The following CDKAL1 variants were observed in gnomAD, a reference collection of about 807,000 sequenced individuals.
CDKAL1 encodes CDKAL1 threonylcarbamoyladenosine tRNA methylthiotransferase, also known as threonylcarbamoyladenosine tRNA methylthiotransferase.
Under a neutral mutation model 68.2 loss-of-function variants are expected in CDKAL1, and 32 were observed. The observed-to-expected ratio is 0.47, with a 90% confidence interval of 0.35 to 0.63. The LOEUF (loss-of-function observed/expected upper bound fraction) is 0.63, where lower values mean the gene tolerates loss of function less well. CDKAL1 is among the 30% of genes least tolerant of loss of function. The pLI, the probability that CDKAL1 is intolerant of heterozygous loss-of-function variation, is 0.00. For synonymous variants in CDKAL1, 234 were observed against 244.3 expected (o/e 0.96, Z 0.39); for missense variants, 606 against 696.7 (o/e 0.87, Z 1.47).
At chr6:20,848,732 C>A (rs564022999) in intron 9 of CDKAL1, among the ~76,000 whole-genome samples, 22 of 151,092 alleles carry the variant, frequency 1.5e-4, no homozygotes, top group Middle Eastern at 3.4e-3. Flanking sequence ...GACTGGTGAG[C>A]TAATTTGTGA....
intron 9 of CDKAL1, among the ~76,000 whole-genome samples, chr6:20,935,339 A>G (rs1763653395): frequency 6.6e-6 from 1 of 152,166 alleles, no homozygotes; most frequent in South Asian, 2.1e-4. Context: ...CTGAATTGTA[A>G]TATATTTCTT....
At chr6:20,960,371 TTCTAA>T (rs1009131235) in intron 10 of CDKAL1, among the ~76,000 whole-genome samples, 15 of 152,192 alleles carry the variant, frequency 9.9e-5, no homozygotes, top group Non-Finnish European at 1.9e-4. Context: ...CTGAACTGGT[TTCTAA>T]TCTATTCTAA....
At chr6:20,848,279 G>GTTTTTTTGTTTTTT (rs753304984) in intron 9 of CDKAL1, among the ~76,000 whole-genome samples, 45 of 62,340 alleles carry the variant, frequency 7.2e-4, no homozygotes, top group African/African-American at 1.5e-3. Flanking sequence ...CTGGAAAGTT[G>GTTTTTTTGTTTTTT]TTTTTTTTTT....
chr6:20,706,458 T>C (rs1771599703), intron 5 of CDKAL1, among the ~76,000 whole-genome samples: 1 of 152,178 alleles, frequency 6.6e-6, no homozygotes. Flanking sequence ...ACATTTTGAG[T>C]AAACTACTAC....
chr6:21,176,300 A>G (rs2151080804), intron 13 of CDKAL1, among the ~76,000 whole-genome samples: 1 of 152,368 alleles, frequency 6.6e-6, no homozygotes, highest in East Asian at 1.9e-4. Flanking sequence ...TTTTCTATAC[A>G]TTAATGAATT....
chr6:21,192,096 A>G (rs1452625976), intron 13 of CDKAL1, among the ~76,000 whole-genome samples: 2 of 119,122 alleles, frequency 1.7e-5, no homozygotes, highest in African/African-American at 3.3e-5. Context: ...ATCTCGGCTC[A>G]CTGCAAGCTC....
intron 8 of CDKAL1, among the ~76,000 whole-genome samples, chr6:20,802,309 CAACAACAAT>C (rs1251224812): frequency 0.017 from 2,359 of 142,340 alleles, 59 homozygotes; most frequent in African/African-American, 0.055. Flanking sequence ...AAAACAACAA[CAACAACAAT>C]AATAATAATA....
chr6:21,179,386 A>G (rs576191643), intron 13 of CDKAL1, among the ~76,000 whole-genome samples: 2 of 152,330 alleles, frequency 1.3e-5, no homozygotes, highest in South Asian at 2.1e-4. Context: ...CTAATACTCA[A>G]CAAAGCCACA....
chr6:21,176,685 T>G (rs1777586568), intron 13 of CDKAL1, among the ~76,000 whole-genome samples: 1 of 136,260 alleles, frequency 7.3e-6, no homozygotes, highest in African/African-American at 2.8e-5. Context: ...GATGTTGGTT[T>G]TTTTTTTTTT....
intron 4 of CDKAL1, among the ~76,000 whole-genome samples, chr6:20,596,987 G>A (rs1224495215): frequency 6.6e-6 from 1 of 152,174 alleles, no homozygotes; most frequent in Non-Finnish European, 1.5e-5. Flanking sequence ...GTCTAACCAG[G>A]CCCGTTGAGA....
intron 10 of CDKAL1, among the ~76,000 whole-genome samples, chr6:20,998,640 A>G (rs555905966): frequency 6.6e-6 from 1 of 151,804 alleles, no homozygotes; most frequent in African/African-American, 2.4e-5. Flanking sequence ...AAAAAAAAAG[A>G]GCCTACTGAA....
intron 5 of CDKAL1, 95 bp from the exon 6 acceptor site, chr6:20,739,424 G>A: frequency 2.9e-6 from 2 of 682,892 alleles, no homozygotes; most frequent in Non-Finnish European, 5.0e-6. Flanking sequence ...AGATAGGCCT[G>A]TTATTATTTG....
chr6:20,945,403 G>A (rs1321434720), intron 9 of CDKAL1, among the ~76,000 whole-genome samples: 1 of 152,116 alleles, frequency 6.6e-6, no homozygotes, highest in Non-Finnish European at 1.5e-5. Context: ...TTGGATAAAG[G>A]AATATTTACC....
At chr6:20,936,153 G>T (rs1396983700) in intron 9 of CDKAL1, among the ~76,000 whole-genome samples, 1 of 150,938 alleles carries the variant, frequency 6.6e-6, no homozygotes, top group Non-Finnish European at 1.5e-5. Flanking sequence ...TTCTGTTTGT[G>T]GTTATGCCGA....
chr6:21,210,981 A>G (rs966696861), intron 15 of CDKAL1, among the ~76,000 whole-genome samples: 3 of 152,192 alleles, frequency 2.0e-5, no homozygotes, highest in South Asian at 2.1e-4. Flanking sequence ...TTCCCAGTCA[A>G]TGTCTCACAT....
chr6:20,580,946 C>T (rs1031689124), intron 4 of CDKAL1, among the ~76,000 whole-genome samples: 20 of 152,216 alleles, frequency 1.3e-4, no homozygotes, highest in South Asian at 2.1e-4. Context: ...TGCGCCACCA[C>T]GCCCGGCTAA....
chr6:21,210,829 G>A (rs1342138749), intron 15 of CDKAL1, among the ~76,000 whole-genome samples: 1 of 152,152 alleles, frequency 6.6e-6, no homozygotes, highest in Non-Finnish European at 1.5e-5. Flanking sequence ...ATTGTTAGAA[G>A]GGCCAGGGAC....
chr6:20,809,634 G>A (rs926065631), intron 8 of CDKAL1, among the ~76,000 whole-genome samples: 9 of 152,028 alleles, frequency 5.9e-5, no homozygotes, highest in African/African-American at 1.5e-4. Context: ...TCATTCTAGT[G>A]AATACTCAGT....
intron 10 of CDKAL1, among the ~76,000 whole-genome samples, chr6:20,988,018 C>G (rs1244672259): frequency 1.3e-5 from 2 of 149,794 alleles, no homozygotes; most frequent in South Asian, 4.3e-4. Context: ...TTCCTACATT[C>G]AAGCTATCCT....
Sources: allele counts gnomAD v4.1 joint callset (sites outside exome capture counted in the v4.1 genomes callset), GRCh38; gene constraint gnomAD v4.1.1; transcripts MANE v1.5; gene names NCBI Gene and HGNC (gene_info 2026-07-23, HGNC 2026-07-21).